AIG1: variants seen among roughly 807,000 people sequenced by gnomAD.
AIG1 encodes androgen-induced gene 1 protein.
Under a neutral mutation model 31.4 loss-of-function variants are expected in AIG1, and 23 were observed. The ratio of observed to expected loss-of-function variants is 0.73; its 90% confidence interval spans 0.53 to 1.04. The LOEUF is 1.04. Among genes scored for constraint, AIG1 ranks in the 50% least tolerant of loss-of-function variants. The pLI is 0.00. For synonymous variants in AIG1, 100 were observed against 110.5 expected (o/e 0.90, Z 0.60); for missense variants, 274 against 295.0 (o/e 0.93, Z 0.52).
intron 3 of AIG1, among the ~76,000 whole-genome samples, chr6:143,168,309 AG>A: frequency 6.6e-6 from 1 of 151,782 alleles, no homozygotes; most frequent in Admixed American, 6.6e-5. Context: ...CACAACGTGC[AG>A]GTTTGTTACA....
intron 4 of AIG1, among the ~76,000 whole-genome samples, chr6:143,302,611 A>G (rs1342538656): frequency 6.6e-6 from 1 of 152,092 alleles, no homozygotes; most frequent in East Asian, 1.9e-4. Flanking sequence ...CATTTTCTTA[A>G]TCCAATCTAT....
intron 3 of AIG1, among the ~76,000 whole-genome samples, chr6:143,195,610 G>A (rs1426238757): frequency 6.6e-6 from 1 of 150,934 alleles, no homozygotes; most frequent in African/African-American, 2.4e-5. Context: ...TGGAACCTTG[G>A]CGACTGGCCA....
At chr6:143,214,937 A>T (rs541466075) in intron 3 of AIG1, among the ~76,000 whole-genome samples, 7 of 152,232 alleles carry the variant, frequency 4.6e-5, no homozygotes, top group Non-Finnish European at 8.8e-5. Flanking sequence ...TGTGCTTTCC[A>T]TGGTGTACAA....
At position 143,297,506 on chromosome 6, in the gene AIG1, A is replaced by T. The variant is rs986114887; in HGVS notation, c.515+13281A>T. Among the ~76,000 whole-genome samples the T allele has an allele frequency of 0.015, 698 of 47,562 alleles. 3 individuals are homozygous for T. The highest frequency in any genetic ancestry group is 0.044 in the African/African-American group (667 of 15,160). 31.2% of individuals were successfully genotyped at this position (47,562 alleles called of 152,430 possible). A position where few individuals can be genotyped will look rare whatever the true frequency, so the allele number is the denominator to read the frequency against. ...GATGGTTTCTTGGGTGGTTGGATGG[A>T]TGGTTGGGTGGTTGGATGGATGGTT... On this transcript the variant is annotated intron_variant, in intron 4 of 5. Transcript: ENST00000357847. The surrounding 1 kb of genome is among the most constrained non-coding windows in gnomAD (Gnocchi z 5.1).
chr6:143,274,874 G>A (rs61394207), intron 3 of AIG1, among the ~76,000 whole-genome samples: 2 of 152,098 alleles, frequency 1.3e-5, no homozygotes, highest in African/African-American at 4.8e-5. Flanking sequence ...CATTAGGATT[G>A]CTGTGAGAAT....
At chr6:143,229,346 C>T (rs1793256277) in intron 3 of AIG1, among the ~76,000 whole-genome samples, 1 of 152,180 alleles carries the variant, frequency 6.6e-6, no homozygotes. Flanking sequence ...GACATATTCA[C>T]TTCTAATATA....
At chr6:143,342,320 C>CT, downstream of AIG1, 1 of 676,754 alleles carries the variant, frequency 1.5e-6, no homozygotes, top group South Asian at 1.5e-5. Context: ...GCAGCAGCAG[C>CT]TGCGAGGAGC....
At chr6:143,176,593 C>A (rs1788189226) in intron 3 of AIG1, among the ~76,000 whole-genome samples, 2 of 152,160 alleles carry the variant, frequency 1.3e-5, no homozygotes, top group South Asian at 4.1e-4. Flanking sequence ...TTATAGCTGT[C>A]TCTGCTGTGT....
At chr6:143,121,209 G>T (rs905259953) in intron 1 of AIG1, among the ~76,000 whole-genome samples, 2 of 152,146 alleles carry the variant, frequency 1.3e-5, no homozygotes, top group Admixed American at 6.5e-5. Context: ...CTGTATTTCT[G>T]TGTGTGTGTC....
intron 3 of AIG1, among the ~76,000 whole-genome samples, chr6:143,241,266 C>T (rs555291213): frequency 5.3e-5 from 8 of 152,294 alleles, no homozygotes; most frequent in Admixed American, 2.0e-4. Context: ...GCTGTTTCAG[C>T]GAACAACTAT....
intron 1 of AIG1, among the ~76,000 whole-genome samples, chr6:143,063,323 G>C (rs143608964): frequency 1.3e-5 from 2 of 152,220 alleles, no homozygotes; most frequent in African/African-American, 4.8e-5. Flanking sequence ...TTTAGCTTCA[G>C]ATTGTATAGG....
rs565564283 is a variant in AIG1 at position 143,220,334 on chromosome 6, C to T, written c.399+55151C>T. On this transcript the variant is annotated intron_variant, in intron 3 of 5. Coordinates refer to ENST00000357847, the MANE Select transcript of AIG1 (RefSeq NM_016108.4). ...ATTTATGTTTACTTGAATCCCTCTA[C>T]ACGCACTGAAATGTGAACCCATAGA... Among the ~76,000 whole-genome samples the T allele has an allele frequency of 3.3e-5, 5 of 152,296 alleles. No individual in the cohort carries two copies. In the East Asian group the frequency reaches 5.8e-4, roughly 18 times the overall value.
intron 3 of AIG1, among the ~76,000 whole-genome samples, chr6:143,195,892 C>A (rs1790185900): frequency 2.0e-5 from 3 of 152,182 alleles, no homozygotes; most frequent in Admixed American, 2.0e-4. Flanking sequence ...AATTAAACAT[C>A]TTGTCATGTG....
rs1163073249 is a variant in AIG1 at position 143,328,125 on chromosome 6, G to A, written c.516-5157G>A. Among the ~76,000 whole-genome samples the A allele has an allele frequency of 6.6e-6, 1 of 152,192 alleles. No individual in the cohort carries two copies. Among genetic ancestry groups the A allele is most frequent in the Non-Finnish European group, 1.5e-5 (1 of 68,040 alleles). ...GAAGGGTGCACTGACAAAGGGAAGA[G>A]GAACAGCCAAGTGGTAGGAGGAAAA... On this transcript the variant is annotated intron_variant, in intron 4 of 5. Coordinates refer to ENST00000357847, the MANE Select transcript of AIG1 (RefSeq NM_016108.4). The surrounding 1 kb of genome is among the most constrained non-coding windows in gnomAD (Gnocchi z 4.0).
chr6:143,128,136 A>G (rs1299271098), intron 1 of AIG1, among the ~76,000 whole-genome samples: 1 of 152,258 alleles, frequency 6.6e-6, no homozygotes, highest in Non-Finnish European at 1.5e-5. Flanking sequence ...AGTTTAGTGC[A>G]TTCCAGAGAA....
chr6:143,322,873 T>C (rs915524650), intron 4 of AIG1, among the ~76,000 whole-genome samples: 1 of 152,218 alleles, frequency 6.6e-6, no homozygotes, highest in African/African-American at 2.4e-5. Context: ...GAAAACATTC[T>C]TGCATGTGAG....
chr6:143,310,817 A>G (rs1413345596), intron 4 of AIG1, among the ~76,000 whole-genome samples: 1 of 151,786 alleles, frequency 6.6e-6, no homozygotes, highest in East Asian at 1.9e-4. Flanking sequence ...ATTATGAACA[A>G]CTCTATGCCC....
At chr6:143,076,185 T>A (rs922912305) in intron 1 of AIG1, among the ~76,000 whole-genome samples, 1 of 152,218 alleles carries the variant, frequency 6.6e-6, no homozygotes, top group African/African-American at 2.4e-5. Context: ...TAATTGTGGG[T>A]TTGTCTATTT....
At chr6:143,281,098 T>A (rs1333254514) in intron 3 of AIG1, among the ~76,000 whole-genome samples, 3 of 152,196 alleles carry the variant, frequency 2.0e-5, no homozygotes, top group Admixed American at 2.0e-4. Context: ...ATTCAAACAT[T>A]ATTCAACTGT....
Sources: gnomAD v4.1 joint callset for allele counts (sites outside exome capture counted in the v4.1 genomes callset) on GRCh38, gnomAD v4.1.1 for gene constraint, Gnocchi (gnomAD v3.1) non-coding constraint, MANE v1.5 for transcripts, NCBI Gene and HGNC (gene_info 2026-07-23, HGNC 2026-07-21) for gene names.